Variants in FNIP1 observed in about 807,000 individuals in gnomAD.
The protein encoded by FNIP1 is folliculin-interacting protein 1.
In FNIP1, 40 loss-of-function variants were observed where a neutral mutation model predicts 124.5. That is an observed-to-expected ratio of 0.32 (90% CI 0.25 to 0.42). The LOEUF (loss-of-function observed/expected upper bound fraction) is 0.42. Ranked by LOEUF, FNIP1 falls within the 10% of genes least tolerant of loss-of-function variation. FNIP1 has a pLI of 1.00. For synonymous variants in FNIP1, 472 were observed against 470.6 expected (o/e 1.00, Z -0.04); for missense variants, 1,176 against 1,403.7 (o/e 0.84, Z 2.59).
intron 11 of FNIP1, among the ~76,000 whole-genome samples, chr5:131,696,628 ATTAT>A (rs1209139729): frequency 1.3e-5 from 2 of 152,162 alleles, no homozygotes; most frequent in African/African-American, 4.8e-5. Context: ...TTAAATTAAA[ATTAT>A]TTGTTAGCAT....
chr5:131,720,812 T>C (rs1349970806), intron 3 of FNIP1, among the ~76,000 whole-genome samples: 3 of 152,140 alleles, frequency 2.0e-5, no homozygotes, highest in Non-Finnish European at 4.4e-5. Context: ...AGGTTGGCTA[T>C]AATCAAAAAA....
At chr5:131,646,778 T>C (rs1766895986) in intron 17 of FNIP1, among the ~76,000 whole-genome samples, 2 of 152,236 alleles carry the variant, frequency 1.3e-5, no homozygotes, top group African/African-American at 2.4e-5. Flanking sequence ...GGGCAGATAC[T>C]TGGAATAATG....
chr5:131,779,914 T>C (rs1035152677), intron 1 of FNIP1, among the ~76,000 whole-genome samples: 1 of 151,804 alleles, frequency 6.6e-6, no homozygotes, highest in Non-Finnish European at 1.5e-5. Context: ...AATAAAAAGC[T>C]TTAGGGATGG....
rs150326741 is a variant in FNIP1, at chr5:131,681,026, T to C, written c.1203-1851A>G. Among the ~76,000 whole-genome samples the C allele has an allele frequency of 1.0e-3, 154 of 152,166 alleles. No individual in the cohort carries two copies. In the South Asian group the frequency reaches 0.012, roughly 12 times the overall value. The stretch of plus-strand genomic sequence containing the variant: ...AGGAGTTACGATACAGTACTGAAAA[T>C]TGGGAGACTAATTCAAAGTCCATAA... On this transcript the variant is annotated intron_variant, in intron 11 of 17. Transcript: ENST00000510461.
intron 1 of FNIP1, among the ~76,000 whole-genome samples, chr5:131,793,143 C>T (rs1459200553): frequency 6.6e-6 from 1 of 152,138 alleles, no homozygotes; most frequent in East Asian, 1.9e-4. Flanking sequence ...AGCAACCTCC[C>T]ACCTCAGCAT....
Position 131,672,875 on chromosome 5 carries a change from C to A in FNIP1, c.1569G>T (p.Val523=). The change falls in exon 14 of 18, where the codon GTG becomes GTT. Residue 523 remains valine (V), a synonymous_variant. Transcript: ENST00000510461. ...IGSPVRLART[V]VVGKRQDMVQ... is the part of the protein sequence containing the mutation. ...CCATGTCTTGTCGTTTGCCAACTAC[C>A]ACAGTCCTTGCTAACCGTACGGGAG... 1 of 1,599,826 alleles carries A rather than the reference C, an allele frequency of 6.3e-7. No individual in the cohort carries two copies. The highest frequency in any genetic ancestry group is 8.5e-7 in the Non-Finnish European group (1 of 1,173,996).
chr5:131,718,980 A>G lies in FNIP1; in HGVS notation c.530+6T>C. On this transcript the variant is annotated splice_donor_region_variant and intron_variant, in intron 5 of 17. Transcript: ENST00000510461. ...TACATTTCCCCCTGTATCCATAAGC[A>G]CTTACGTATTGAGACTCCCACAAAT... The G allele has an allele frequency of 1.2e-6, 2 of 1,611,826 alleles. No homozygotes were observed. Among genetic ancestry groups the G allele is most frequent in the Non-Finnish European group, 1.7e-6 (2 of 1,178,132 alleles).
intron 11 of FNIP1, among the ~76,000 whole-genome samples, chr5:131,697,818 A>G (rs1434017658): frequency 2.0e-5 from 3 of 151,664 alleles, no homozygotes; most frequent in Non-Finnish European, 2.9e-5. Flanking sequence ...ATAAAAAAAA[A>G]ATTAGCCAAG....
intron 11 of FNIP1, among the ~76,000 whole-genome samples, chr5:131,697,070 C>T (rs900950736): frequency 2.0e-5 from 3 of 152,072 alleles, no homozygotes; most frequent in African/African-American, 7.2e-5. Context: ...ACAATTTCAT[C>T]ATAGCAATCC....
chr5:131,652,190 G>A (rs984684362), intron 15 of FNIP1, among the ~76,000 whole-genome samples, 191 bp from the exon 16 acceptor site: 14 of 152,104 alleles, frequency 9.2e-5, no homozygotes, highest in Admixed American at 6.5e-5. Flanking sequence ...AGATATCATC[G>A]TAGATTGAGA....
intron 2 of FNIP1, among the ~76,000 whole-genome samples, chr5:131,739,835 A>C (rs146285516): frequency 0.01 from 1,494 of 149,094 alleles, 8 homozygotes; most frequent in Admixed American, 0.03. Context: ...AAAAAAAAAA[A>C]AACACTGTTT....
Position 131,679,188 on chromosome 5 carries a change from A to C in FNIP1, c.1203-13T>G. ...ACAAATTGTTGTTCTAAAAAGAGGA[A>C]GACACATTATGAAATGTATAGTTCC... On this transcript the variant is annotated splice_polypyrimidine_tract_variant and intron_variant, in intron 11 of 17. Transcript: ENST00000510461. 6.7e-7 allele frequency: 1 copy of C among 1,483,220 alleles called. No individual in the cohort carries two copies. Among genetic ancestry groups the C allele is most frequent in the South Asian group, 1.2e-5 (1 of 86,578 alleles). The allele number at this position is 1,483,220 out of a possible 1,614,324, so 91.9% of individuals were successfully genotyped here.
intron 8 of FNIP1, among the ~76,000 whole-genome samples, chr5:131,707,774 G>T (rs1244648521): frequency 6.6e-6 from 1 of 151,998 alleles, no homozygotes; most frequent in African/African-American, 2.4e-5. Context: ...AGAAAAAAAA[G>T]AAAACACACA....
At chr5:131,646,000 T>C (rs376346683) in intron 17 of FNIP1, among the ~76,000 whole-genome samples, 2 of 152,202 alleles carry the variant, frequency 1.3e-5, no homozygotes, top group East Asian at 1.9e-4. Flanking sequence ...TTTCATTGTA[T>C]GCCAAAATGC....
At chr5:131,773,368 A>AG (rs1469429952) in intron 1 of FNIP1, among the ~76,000 whole-genome samples, 1 of 152,206 alleles carries the variant, frequency 6.6e-6, no homozygotes, top group Non-Finnish European at 1.5e-5. Flanking sequence ...TAAAGCTCCT[A>AG]GATCAGGGAT....
chr5:131,672,077 C>T lies in FNIP1; in HGVS notation c.2367G>A (p.Gly789=), dbSNP rs374100225. The T allele has an allele frequency of 1.6e-5, 26 of 1,614,040 alleles. No homozygotes were observed. Among genetic ancestry groups the T allele is most frequent in the Non-Finnish European group, 2.1e-5 (25 of 1,180,044 alleles). Residue 789 remains glycine (G), a synonymous_variant, in exon 14 of 18, where the codon GGG becomes GGA. Coordinates refer to ENST00000510461, the MANE Select transcript of FNIP1 (RefSeq NM_133372.3). ...HHTKPLKEER[G]AIDQHQETKQ... Reference sequence around the variant, plus strand: ...TAGTTTCTTGATGCTGATCAATAGCCCCTCTTTCTTCCTTCAATGGTTTGG... The same window carrying T: ...TAGTTTCTTGATGCTGATCAATAGCTCCTCTTTCTTCCTTCAATGGTTTGG...
intron 3 of FNIP1, among the ~76,000 whole-genome samples, chr5:131,719,644 A>G (rs1769590301): frequency 1.3e-5 from 2 of 152,286 alleles, no homozygotes; most frequent in South Asian, 2.1e-4. Context: ...GAGCTGTACA[A>G]TATTTTATTG....
rs1323350242 is a variant in FNIP1, at chr5:131,677,666, G to A, written c.1519+37C>T. On this transcript the variant is annotated intron_variant, in intron 13 of 17. Coordinates refer to ENST00000510461, the MANE Select transcript of FNIP1 (RefSeq NM_133372.3). ...AATAATTACAGATAGCTACAAAAAA[G>A]TCTAATACATAGTGTAACAGTTGTC... 1.9e-6 allele frequency: 3 copies of A among 1,553,794 alleles called. No homozygotes were observed. In the South Asian group the frequency reaches 3.6e-5, roughly 18 times the overall value.
intron 1 of FNIP1, among the ~76,000 whole-genome samples, chr5:131,783,732 G>T (rs200215741): frequency 6.6e-6 from 1 of 152,038 alleles, no homozygotes; most frequent in Non-Finnish European, 1.5e-5. Flanking sequence ...TATGGCTTTT[G>T]ACTTCTCAGC....
Sources: allele counts gnomAD v4.1 joint callset (sites outside exome capture counted in the v4.1 genomes callset), GRCh38; gene constraint gnomAD v4.1.1; transcripts MANE v1.5; gene names NCBI Gene and HGNC (gene_info 2026-07-23, HGNC 2026-07-21).